KCNT1: variants seen among roughly 807,000 people sequenced by gnomAD.
KCNT1 encodes the protein potassium channel subfamily T member 1.
KCNT1 carries 78 observed loss-of-function variants against 147.8 expected under a neutral mutation model. That is an observed-to-expected ratio of 0.53 (90% confidence interval 0.44 to 0.64). The LOEUF is 0.64. Ranked by LOEUF, KCNT1 falls within the 30% of genes least tolerant of loss-of-function variation. The pLI, the probability that KCNT1 is intolerant of heterozygous loss-of-function variation, is 0.00. For synonymous variants in KCNT1, 867 were observed against 748.8 expected (o/e 1.16, Z -2.58); for missense variants, 1,419 against 1,750.3 (o/e 0.81, Z 3.38).
In KCNT1 at chr9:135,759,589, T is replaced by G. The variant is rs1588330390; in HGVS notation, c.855-90T>G. On this transcript the variant is annotated intron_variant, in intron 10 of 30. Transcript: ENST00000371757. ...ATGCACAGCTCAGTCTCCTGGGCAG[T>G]GAGGGTCCCGTGGGCAGGCAGGATC... The G allele has an allele frequency of 1.1e-5, 15 of 1,407,356 alleles. No individual in the cohort carries two copies. In the South Asian group the frequency reaches 2.1e-4, roughly 20 times the overall value. The allele number at this position is 1,407,356 out of a possible 1,614,324, so 87.2% of individuals were successfully genotyped here. A position where few individuals can be genotyped will look rare whatever the true frequency, so the allele number is the denominator to read the frequency against.
In KCNT1 at chr9:135,765,529, C is replaced by T. The variant is rs575042627; in HGVS notation, c.1201-95C>T. 1.1e-4 allele frequency: 158 copies of T among 1,375,040 alleles called. 2 individuals are homozygous for T. The African/African-American group carries it at 1.8e-3, about 16-fold the overall frequency. 85.2% of individuals were successfully genotyped at this position (1,375,040 alleles called of 1,614,324 possible). A position where few individuals can be genotyped will look rare whatever the true frequency, so the allele number is the denominator to read the frequency against. ...CAAGATCACAGTGAGCTCTAGGGCC[C>T]AGAGGTGGTGGGCACAAACACAGTC... On this transcript the variant is annotated intron_variant, in intron 12 of 30. Coordinates refer to ENST00000371757, the MANE Select transcript of KCNT1 (RefSeq NM_020822.3).
At chr9:135,744,879 C>T (rs1830740386) in intron 2 of KCNT1, among the ~76,000 whole-genome samples, 1 of 152,256 alleles carries the variant, frequency 6.6e-6, no homozygotes, top group African/African-American at 2.4e-5. Flanking sequence ...CTGCGTCTTG[C>T]TCCTGGGCTG....
At position 135,786,339 on chromosome 9, in the gene KCNT1, G is replaced by T; in HGVS notation, c.3320G>T (p.Arg1107Leu). The change falls in exon 29 of 31, where the codon CGC becomes CTC. Residue 1107 changes from arginine to leucine, a missense_variant. By Grantham distance (102) the Arg-to-Leu change is moderately radical (BLOSUM62 -2). Coordinates refer to ENST00000371757, the MANE Select transcript of KCNT1 (RefSeq NM_020822.3). ...GDPAEHPLLR[R>L]KSLQWARRLS... ...CCCGCAGAGCACCCACTGCTACGGC[G>T]CAAGAGCCTGCAGTGGGCCCGGAGG... The T allele has an allele frequency of 6.3e-7, 1 of 1,590,068 alleles. No individual in the cohort carries two copies. Among genetic ancestry groups the T allele is most frequent in the East Asian group, 2.3e-5 (1 of 43,904 alleles).
rs935840917 is a variant in KCNT1 at position 135,772,708 on chromosome 9, C to T, written c.2009-7C>T. 7.2e-7 allele frequency: 1 copy of T among 1,383,778 alleles called. No homozygotes were observed. The highest frequency in any genetic ancestry group is 1.9e-4 in the Middle Eastern group (1 of 5,290). 85.7% of individuals were successfully genotyped at this position (1,383,778 alleles called of 1,614,324 possible). Reference sequence around the variant, plus strand: ...GGGCTGTGGCCAAGCACAGGGCTCTCTTCCAGGGACAGTGGCCATGGACCT... The same window carrying T: ...GGGCTGTGGCCAAGCACAGGGCTCTTTTCCAGGGACAGTGGCCATGGACCT... On this transcript the variant is annotated splice_region_variant and splice_polypyrimidine_tract_variant and intron_variant, in intron 18 of 30. Coordinates refer to ENST00000371757, the MANE Select transcript of KCNT1 (RefSeq NM_020822.3).
chr9:135,755,658 C>G (rs1445135890), intron 6 of KCNT1, among the ~76,000 whole-genome samples: 2 of 150,686 alleles, frequency 1.3e-5, no homozygotes, highest in Non-Finnish European at 3.0e-5. Context: ...GGAAACCAGG[C>G]TCAGTAAATG....
At chr9:135,750,843 C>G in intron 3 of KCNT1, 99 bp from the exon 4 acceptor site, 2 of 1,072,122 alleles carry the variant, frequency 1.9e-6, no homozygotes, top group South Asian at 1.3e-5. Flanking sequence ...GGGAGCCCAG[C>G]TGGGGCCATC....
chr9:135,756,916 T>G lies in KCNT1; in HGVS notation c.584T>G (p.Ile195Ser). The G allele has an allele frequency of 6.2e-7, 1 of 1,613,024 alleles. No homozygotes were observed. Residue 195 changes from isoleucine to serine, a missense_variant, in exon 7 of 31, where the codon ATC becomes AGC. Ile to Ser is a moderately radical substitution (Grantham distance 142, BLOSUM62 -2). Coordinates refer to ENST00000371757, the MANE Select transcript of KCNT1 (RefSeq NM_020822.3). ...IISFLETMLL[I>S]YLSYKGNIWE... The stretch of plus-strand genomic sequence containing the variant: ...AGCTTCCTGGAGACGATGCTTCTCA[T>G]CTACCTCAGCTACAAAGTGAGTGCC...
rs562390650 is a variant in KCNT1 at position 135,706,833 on chromosome 9, C to T, written c.110+4465C>T. On this transcript the variant is annotated intron_variant, in intron 1 of 30. Coordinates refer to ENST00000371757, the MANE Select transcript of KCNT1 (RefSeq NM_020822.3). ...AGGGGGCTGGGGCAGGTATTGGGAGCGCCAGTGAGTTGGTCATTTTCTGAG... is the reference window on the plus strand; with the variant it reads ...AGGGGGCTGGGGCAGGTATTGGGAGTGCCAGTGAGTTGGTCATTTTCTGAG... 1.6e-4 allele frequency among the ~76,000 whole-genome samples: 24 copies of T among 152,262 alleles called. No homozygotes were observed. In the East Asian group the frequency reaches 3.5e-3, roughly 22 times the overall value.
Position 135,702,372 on chromosome 9 carries a change from C to G in KCNT1, c.110+4C>G. 6.2e-7 allele frequency: 1 copy of G among 1,607,252 alleles called. No homozygotes were observed. Among genetic ancestry groups the G allele is most frequent in the East Asian group, 2.2e-5 (1 of 44,722 alleles). ...ACGACGGCCAATGCGCCCCCAGGTA[C>G]AGTCTGCTGCGCCCTCCCCACGCGG... On this transcript the variant is annotated splice_donor_region_variant and intron_variant, in intron 1 of 30. Coordinates refer to ENST00000371757, the MANE Select transcript of KCNT1 (RefSeq NM_020822.3).
At position 135,752,726 on chromosome 9, in the gene KCNT1, GTAGATGGATGGATGGATGGAA is replaced by G. The variant is rs990017796; in HGVS notation, c.435-1198_435-1178del. ...GGATGGATAGGTGGATGCATGGTGG[GTAGATGGATGGATGGATGGAA>G]TAGATGGATGGAGGGATGAGTGGAT... On this transcript the variant is annotated intron_variant, in intron 4 of 30. Coordinates refer to ENST00000371757, the MANE Select transcript of KCNT1 (RefSeq NM_020822.3). The surrounding 1 kb of genome is among the most constrained non-coding windows in gnomAD (Gnocchi z 5.1). Among the ~76,000 whole-genome samples, 3 of 151,512 alleles carry G rather than the reference GTAGATGGATGGATGGATGGAA, an allele frequency of 2.0e-5. No homozygotes were observed. The highest frequency in any genetic ancestry group is 2.9e-5 in the Non-Finnish European group (2 of 67,886).
At chr9:135,781,818 C>G (rs1450523867) in intron 24 of KCNT1, among the ~76,000 whole-genome samples, 1 of 152,160 alleles carries the variant, frequency 6.6e-6, no homozygotes, top group Non-Finnish European at 1.5e-5. Context: ...TGCAGCGGCT[C>G]ATGCCTGTAA....
intron 2 of KCNT1, among the ~76,000 whole-genome samples, chr9:135,716,834 G>A (rs1835738195): frequency 6.6e-6 from 1 of 152,380 alleles, no homozygotes; most frequent in South Asian, 2.1e-4. Context: ...GGTTGGAAAT[G>A]AAGTATACAG....
Position 135,770,435 on chromosome 9 carries a change from A to G in KCNT1, c.1757A>G (p.His586Arg). 6.2e-7 allele frequency: 1 copy of G among 1,611,644 alleles called. No homozygotes were observed. The highest frequency in any genetic ancestry group is 8.5e-7 in the Non-Finnish European group (1 of 1,179,020). ...EGKSFTYAAF[H>R]AHKKYGVCLI... ...AAGAGCTTCACCTACGCGGCCTTCC[A>G]CGCCCACAAGAAGTAAGGCCGGGCT... Residue 586 changes from histidine (H) to arginine (R), a missense_variant, in exon 17 of 31, where the codon CAC (histidine) becomes CGC (arginine). This residue lies in a region of KCNT1 where 284 missense variants were observed against 292.8 expected (regional missense o/e 0.97). Coordinates refer to ENST00000371757, the MANE Select transcript of KCNT1 (RefSeq NM_020822.3).
At position 135,732,024 on chromosome 9, in the gene KCNT1, A is replaced by AGAGAGAGAGAGAGAGAGAGAGGGAGG. The variant is rs1554766187; in HGVS notation, c.254+17321_254+17322insAGAGGGAGGGAGAGAGAGAGAGAGAG. ...GAGAGAGAGAGAGAGAGAGAGAGAGAGAGAGAGAGAGAGAGAGGGAGTCTC... is the reference window on the plus strand; with the variant it reads ...GAGAGAGAGAGAGAGAGAGAGAGAGAGAGAGAGAGAGAGAGAGAGAGGGAGGGAGAGAGAGAGAGAGAGGGAGTCTC... On this transcript the variant is annotated intron_variant, in intron 2 of 30. Coordinates refer to ENST00000371757, the MANE Select transcript of KCNT1 (RefSeq NM_020822.3). 1.1e-4 allele frequency among the ~76,000 whole-genome samples: 7 copies of AGAGAGAGAGAGAGAGAGAGAGGGAGG among 65,116 alleles called. 1 individual carries two copies. Among genetic ancestry groups the AGAGAGAGAGAGAGAGAGAGAGGGAGG allele is most frequent in the Non-Finnish European group, 1.9e-4 (6 of 31,470 alleles). The allele number at this position is 65,116 out of a possible 152,430, so 42.7% of individuals were successfully genotyped here.
rs117091459 is a variant in KCNT1 at position 135,762,171 on chromosome 9, G to A, written c.1035+2312G>A. Among the ~76,000 whole-genome samples the A allele has an allele frequency of 6.3e-3, 966 of 152,318 alleles. 6 individuals are homozygous for A. The highest frequency in any genetic ancestry group is 9.9e-3 in the Non-Finnish European group (675 of 68,024). ...ATTAAGAAGTAAGACAAGGCCAGGC[G>A]CAGGGCTCATGCCTGTAACCCCAGT... On this transcript the variant is annotated intron_variant, in intron 11 of 30. Coordinates refer to ENST00000371757, the MANE Select transcript of KCNT1 (RefSeq NM_020822.3).
At chr9:135,726,175 T>C (rs1378968845) in intron 2 of KCNT1, among the ~76,000 whole-genome samples, 2 of 152,000 alleles carry the variant, frequency 1.3e-5, no homozygotes, top group Non-Finnish European at 2.9e-5. Context: ...CAGGGCGCTG[T>C]CTGGGCTGGG....
chr9:135,780,951 T>C (rs2131558299), intron 24 of KCNT1, among the ~76,000 whole-genome samples: 1 of 152,272 alleles, frequency 6.6e-6, no homozygotes, highest in African/African-American at 2.4e-5. Context: ...CTTGCACCTC[T>C]CTGTCCCACA....
At chr9:135,736,815 C>A (rs1374759659) in intron 2 of KCNT1, 2 of 367,796 alleles carry the variant, frequency 5.4e-6, no homozygotes, top group African/African-American at 2.1e-5. Context: ...TGGGACCCCG[C>A]TTGTCAAATC....
intron 2 of KCNT1, among the ~76,000 whole-genome samples, chr9:135,725,775 G>C (rs1375164413): frequency 6.6e-6 from 1 of 152,242 alleles, no homozygotes; most frequent in Non-Finnish European, 1.5e-5. Context: ...CAGGCGGACA[G>C]AGTCTGTTTC....
Sources: allele counts gnomAD v4.1 joint callset (sites outside exome capture counted in the v4.1 genomes callset), GRCh38; gene constraint gnomAD v4.1.1; regional missense constraint gnomAD v4.1.1; non-coding constraint Gnocchi (gnomAD v3.1); transcripts MANE v1.5; gene names NCBI Gene and HGNC (gene_info 2026-07-23, HGNC 2026-07-21).